The following RANBP10 variants were observed in gnomAD, a reference collection of about 807,000 sequenced individuals.
The protein encoded by RANBP10 is ran-binding protein 10.
A neutral mutation model predicts 72.8 loss-of-function variants in RANBP10; 24 were observed. That is an observed-to-expected ratio of 0.33 (90% CI 0.24 to 0.46). The LOEUF (loss-of-function observed/expected upper bound fraction) is 0.46, where lower values mean the gene tolerates loss of function less well. Ranked by LOEUF, RANBP10 falls within the 20% of genes least tolerant of loss-of-function variation. RANBP10 has a pLI of 1.00. For synonymous variants in RANBP10, 310 were observed against 322.3 expected (o/e 0.96, Z 0.41); for missense variants, 679 against 817.5 (o/e 0.83, Z 2.07).
chr16:67,786,282 T>C (rs1004719611), intron 2 of RANBP10, among the ~76,000 whole-genome samples: 8 of 151,736 alleles, frequency 5.3e-5, no homozygotes, highest in African/African-American at 1.5e-4. Flanking sequence ...TGAGCCAAGA[T>C]TGCACCACTG....
chr16:67,729,141 T>C lies in RANBP10; in HGVS notation c.1352+139A>G. ...AAGCCAGAGCTGATGTCTGGCCCGG[T>C]GGGCCAAAAATTAGGACTCCAGGCA... On this transcript the variant is annotated intron_variant, in intron 10 of 13. Coordinates refer to ENST00000317506, the MANE Select transcript of RANBP10 (RefSeq NM_020850.3). The surrounding 1 kb of genome is among the most constrained non-coding windows in gnomAD (Gnocchi z 7.1). The C allele has an allele frequency of 1.4e-6, 2 of 1,456,534 alleles. No homozygotes were observed. The highest frequency in any genetic ancestry group is 1.8e-6 in the Non-Finnish European group (2 of 1,084,936). The allele number at this position is 1,456,534 out of a possible 1,614,324, so 90.2% of individuals were successfully genotyped here.
At chr16:67,744,679 C>T (rs1045984515) in intron 3 of RANBP10, among the ~76,000 whole-genome samples, 2 of 152,270 alleles carry the variant, frequency 1.3e-5, no homozygotes, top group South Asian at 2.1e-4. Context: ...TCCCATGCTG[C>T]GGTTAACAGG....
rs755155630 is a variant in RANBP10, at chr16:67,730,073, A to G, written c.890-27T>C. On this transcript the variant is annotated intron_variant, in intron 7 of 13. Transcript: ENST00000317506. This position sits in a 1 kb window ranked among gnomAD's most constrained non-coding sequence, Gnocchi z 4.3. Reference sequence around the variant, plus strand: ...TGCAGGGTGCAAGAACACAGCAGTGAGCGAGGGCTACAGGCCTCTCCCACA... The same window carrying G: ...TGCAGGGTGCAAGAACACAGCAGTGGGCGAGGGCTACAGGCCTCTCCCACA... 7 of 1,601,108 alleles carry G rather than the reference A, an allele frequency of 4.4e-6. No homozygotes were observed. The highest frequency in any genetic ancestry group is 6.0e-6 in the Non-Finnish European group (7 of 1,174,892).
intron 2 of RANBP10, 119 bp downstream of exon 2, chr16:67,805,309 C>T: frequency 1.2e-6 from 1 of 819,694 alleles, no homozygotes; most frequent in South Asian, 1.8e-5. Flanking sequence ...ATAATGGCAG[C>T]CCAGACCCAT....
chr16:67,804,069 C>A (rs2055286706), intron 2 of RANBP10, among the ~76,000 whole-genome samples: 1 of 151,974 alleles, frequency 6.6e-6, no homozygotes, highest in Admixed American at 6.6e-5. Flanking sequence ...GTGTTGCCCC[C>A]AGCCTAGTCC....
chr16:67,763,976 C>T (rs540129632), intron 3 of RANBP10, among the ~76,000 whole-genome samples: 1 of 152,308 alleles, frequency 6.6e-6, no homozygotes, highest in African/African-American at 2.4e-5. Context: ...GGATTACAGG[C>T]ATGAGCCACT....
chr16:67,738,064 G>A (rs1463532968), intron 4 of RANBP10, 29 bp from the exon 5 acceptor site: 15 of 1,575,142 alleles, frequency 9.5e-6, no homozygotes, highest in Non-Finnish European at 1.3e-5. Flanking sequence ...AGTCATCAGG[G>A]CCAGCCCCTG....
rs2143001595 is a variant in RANBP10, at chr16:67,730,868, G to A, written c.889+604C>T. Among the ~76,000 whole-genome samples, 1 of 152,192 alleles carries A rather than the reference G, an allele frequency of 6.6e-6. No homozygotes were observed. The highest frequency in any genetic ancestry group is 3.4e-3 in the Middle Eastern group (1 of 294). On this transcript the variant is annotated intron_variant, in intron 7 of 13. Coordinates refer to ENST00000317506, the MANE Select transcript of RANBP10 (RefSeq NM_020850.3). This position sits in a 1 kb window ranked among gnomAD's most constrained non-coding sequence, Gnocchi z 4.3. ...TTTTCTCCTTCTAGCTCCTCACTGG[G>A]CTCCTTTTCCTCTTTTCCAACACCC...
chr16:67,774,230 ACAC>A (rs2054656567), intron 2 of RANBP10, among the ~76,000 whole-genome samples: 2 of 152,254 alleles, frequency 1.3e-5, no homozygotes. Flanking sequence ...GCTATGCCCA[ACAC>A]CACATGTCAT....
At chr16:67,787,015 G>C (rs529978806) in intron 2 of RANBP10, among the ~76,000 whole-genome samples, 2 of 152,242 alleles carry the variant, frequency 1.3e-5, no homozygotes, top group South Asian at 4.1e-4. Context: ...AAGGCAGGCA[G>C]ATTACTTGAG....
chr16:67,774,627 T>A (rs1048174046), intron 2 of RANBP10, among the ~76,000 whole-genome samples: 3 of 152,090 alleles, frequency 2.0e-5, no homozygotes, highest in Non-Finnish European at 4.4e-5. Context: ...ACACCCACAT[T>A]TGGGCACCAT....
chr16:67,728,560 G>A, intron 10 of RANBP10, 49 bp from the exon 11 acceptor site: 2 of 1,612,996 alleles, frequency 1.2e-6, no homozygotes, highest in Non-Finnish European at 1.7e-6. Flanking sequence ...TGTGGTTGGA[G>A]CAGCCTGGTT....
chr16:67,771,169 C>A (rs1030922250), intron 3 of RANBP10, among the ~76,000 whole-genome samples: 5 of 151,568 alleles, frequency 3.3e-5, no homozygotes, highest in Admixed American at 6.6e-5. Context: ...GGCTGAGGAT[C>A]ACCTGAGTCT....
At chr16:67,752,420 G>A (rs1033624724) in intron 3 of RANBP10, among the ~76,000 whole-genome samples, 1 of 152,174 alleles carries the variant, frequency 6.6e-6, no homozygotes, top group East Asian at 1.9e-4. Context: ...AGGGCCTCCA[G>A]AAAGAACGCA....
chr16:67,786,137 T>A (rs1433701072), intron 2 of RANBP10, among the ~76,000 whole-genome samples: 2 of 151,480 alleles, frequency 1.3e-5, no homozygotes, highest in African/African-American at 2.4e-5. Context: ...AAGACCAGCC[T>A]AGGCAACATG....
At chr16:67,734,172 A>G (rs2053792598) in intron 6 of RANBP10, among the ~76,000 whole-genome samples, 1 of 152,244 alleles carries the variant, frequency 6.6e-6, no homozygotes, top group African/African-American at 2.4e-5. Flanking sequence ...GGCAATGACC[A>G]CAGGCAGTGG....
chr16:67,802,436 G>A lies in RANBP10; in HGVS notation c.347+2992C>T, dbSNP rs1425468857. 3.9e-5 allele frequency among the ~76,000 whole-genome samples: 6 copies of A among 152,116 alleles called. 1 individual carries two copies. The highest frequency in any genetic ancestry group is 1.2e-4 in the African/African-American group (5 of 41,422). On this transcript the variant is annotated intron_variant, in intron 2 of 13. Coordinates refer to ENST00000317506, the MANE Select transcript of RANBP10 (RefSeq NM_020850.3). ...GTGAATCACCTGAGGTCAGGAGTTC[G>A]AAACCAGCCTGGCCAACATGGCGAA...
chr16:67,731,710 AC>A, intron 6 of RANBP10, 126 bp from the exon 7 acceptor site: 2 of 647,088 alleles, frequency 3.1e-6, no homozygotes, highest in Non-Finnish European at 5.3e-6. Context: ...TGTAACCTCC[AC>A]AGAATGAGAA....
intron 2 of RANBP10, among the ~76,000 whole-genome samples, chr16:67,794,015 G>C (rs1269786762): frequency 6.6e-6 from 1 of 152,090 alleles, no homozygotes; most frequent in Non-Finnish European, 1.5e-5. Context: ...AAGTAGCTAG[G>C]TCTACAGAAG....
Sources: gnomAD v4.1 joint callset for allele counts (sites outside exome capture counted in the v4.1 genomes callset) on GRCh38, gnomAD v4.1.1 for gene constraint, Gnocchi (gnomAD v3.1) non-coding constraint, MANE v1.5 for transcripts, NCBI Gene and HGNC (gene_info 2026-07-23, HGNC 2026-07-21) for gene names.